Variants in ITGA9 observed in about 807,000 individuals in gnomAD.
ITGA9 encodes integrin subunit alpha 9, also known as integrin alpha-9.
A neutral mutation model predicts 127.8 loss-of-function variants in ITGA9; 56 were observed. The observed-to-expected ratio is 0.44, with a 90% CI of 0.35 to 0.55. The LOEUF (loss-of-function observed/expected upper bound fraction) is 0.55. ITGA9 is among the 20% of genes least tolerant of loss of function. The pLI, the probability that ITGA9 is intolerant of heterozygous loss-of-function variation, is 0.00. For missense variants in ITGA9, 1,196 were observed against 1,347.1 expected, an observed-to-expected ratio of 0.89 and a Z score of 1.76; for synonymous variants, 508 against 514.5, an observed-to-expected ratio of 0.99 and a Z score of 0.17.
At chr3:37,604,603 T>C (rs1191173448) in intron 15 of ITGA9, among the ~76,000 whole-genome samples, 1 of 152,260 alleles carries the variant, frequency 6.6e-6, no homozygotes, top group Non-Finnish European at 1.5e-5. Context: ...CTTTTGGGAA[T>C]GGTGTAGAAA....
chr3:37,518,341 A>G (rs2125579822), intron 10 of ITGA9, among the ~76,000 whole-genome samples: 2 of 152,216 alleles, frequency 1.3e-5, no homozygotes, highest in Middle Eastern at 6.8e-3. Flanking sequence ...GACGTCTTTG[A>G]TACCTCCTAC....
chr3:37,758,877 C>T (rs1032251657), intron 23 of ITGA9, among the ~76,000 whole-genome samples: 4 of 152,022 alleles, frequency 2.6e-5, no homozygotes, highest in Admixed American at 6.6e-5. Context: ...TGTAAACTGC[C>T]TGATCTTCAA....
At chr3:37,693,804 A>T (rs995353104) in intron 18 of ITGA9, among the ~76,000 whole-genome samples, 12 of 152,192 alleles carry the variant, frequency 7.9e-5, no homozygotes, top group African/African-American at 2.7e-4. Flanking sequence ...CAGTGCTGGG[A>T]CAGATTACAG....
At chr3:37,610,117 C>G (rs1031751756) in intron 15 of ITGA9, among the ~76,000 whole-genome samples, 1 of 152,010 alleles carries the variant, frequency 6.6e-6, no homozygotes, top group South Asian at 2.1e-4. Flanking sequence ...AGGTCCAAGG[C>G]AAGATGGATA....
At chr3:37,649,085 A>AT (rs1414971410) in intron 16 of ITGA9, among the ~76,000 whole-genome samples, 22 of 151,328 alleles carry the variant, frequency 1.5e-4, no homozygotes, top group African/African-American at 4.9e-4. Flanking sequence ...TTATATATAT[A>AT]AAAAAAGAAA....
chr3:37,531,630 C>T (rs868532552), intron 13 of ITGA9, among the ~76,000 whole-genome samples: 5 of 152,262 alleles, frequency 3.3e-5, no homozygotes, highest in South Asian at 2.1e-4. Flanking sequence ...TGACCAGGCG[C>T]GTCAGGGACC....
At chr3:37,732,871 C>A in intron 19 of ITGA9, 73 bp downstream of exon 19, 1 of 1,201,886 alleles carries the variant, frequency 8.3e-7, no homozygotes, top group Non-Finnish European at 1.2e-6. Context: ...ATTCCGCCGC[C>A]TCCCTGAGGT....
At chr3:37,509,969 T>C (rs1698884682) in intron 8 of ITGA9, among the ~76,000 whole-genome samples, 1 of 151,544 alleles carries the variant, frequency 6.6e-6, no homozygotes, top group Non-Finnish European at 1.5e-5. Flanking sequence ...ATGGAAACAA[T>C]CTCCCTCTTC....
intron 23 of ITGA9, among the ~76,000 whole-genome samples, chr3:37,764,466 T>TAA (rs10694316): frequency 0.32 from 23,649 of 74,502 alleles, 5,338 homozygotes; most frequent in South Asian, 0.46. Context: ...AGATTCTCAG[T>TAA]AAAAAAAAAA....
chr3:37,809,734 C>A (rs1209711528), intron 27 of ITGA9, among the ~76,000 whole-genome samples: 1 of 151,954 alleles, frequency 6.6e-6, no homozygotes, highest in African/African-American at 2.4e-5. Flanking sequence ...TTTTAAAGAC[C>A]TACGTATTTC....
rs557350926 is a variant in ITGA9, at chr3:37,757,555, G to A, written c.2541+6986G>A. Among the ~76,000 whole-genome samples, 44 of 151,800 alleles carry A rather than the reference G, an allele frequency of 2.9e-4. 1 individual carries two copies. The South Asian group carries it at 8.9e-3, about 31-fold the overall frequency. On this transcript the variant is annotated intron_variant, in intron 23 of 27. Transcript: ENST00000264741. ...GGCATAAACTACTTGGGAGGCTGAG[G>A]TGGGAGGATCCCTTGAGTCCAGAAG... is the stretch of plus-strand genomic sequence containing the variant.
Position 37,819,162 on chromosome 3 carries a change from G to GTC in ITGA9, c.*174_*175dup. Reference sequence around the variant, plus strand: ...AGCCTGAGGCAGCCACTTCGGCCAGGTCACACGACCGGGGCCAGCACCACT... The same window carrying GTC: ...AGCCTGAGGCAGCCACTTCGGCCAGGTCTCACACGACCGGGGCCAGCACCACT... On this transcript the variant is annotated 3_prime_UTR_variant, in exon 28 of 28. Coordinates refer to ENST00000264741, the MANE Select transcript of ITGA9 (RefSeq NM_002207.3). 1.5e-6 allele frequency: 1 copy of GTC among 655,142 alleles called. No individual in the cohort carries two copies. The highest frequency in any genetic ancestry group is 2.8e-6 in the Non-Finnish European group (1 of 360,468). 40.6% of individuals were successfully genotyped at this position (655,142 alleles called of 1,614,324 possible).
intron 15 of ITGA9, among the ~76,000 whole-genome samples, chr3:37,575,031 G>A (rs1353287587): frequency 6.6e-6 from 1 of 152,096 alleles, no homozygotes; most frequent in Non-Finnish European, 1.5e-5. Flanking sequence ...AGGGTAATAG[G>A]GTGGGAGCAG....
At chr3:37,558,000 AG>A (rs937380264) in intron 15 of ITGA9, among the ~76,000 whole-genome samples, 1 of 152,200 alleles carries the variant, frequency 6.6e-6, no homozygotes, top group African/African-American at 2.4e-5. Context: ...AGTCTGAGAA[AG>A]AGAAAACTCC....
intron 18 of ITGA9, among the ~76,000 whole-genome samples, chr3:37,699,894 G>T (rs1461814457): frequency 6.6e-6 from 1 of 152,164 alleles, no homozygotes; most frequent in Non-Finnish European, 1.5e-5. Context: ...AATGTCACCT[G>T]ATTAGAAATA....
At position 37,652,126 on chromosome 3, in the gene ITGA9, G is replaced by GA. The variant is rs199904363; in HGVS notation, c.1840-1576dup. Among the ~76,000 whole-genome samples, 236 of 144,250 alleles carry GA rather than the reference G, an allele frequency of 1.6e-3. 1 individual carries two copies. In the South Asian group the frequency reaches 0.018, roughly 11 times the overall value. 94.6% of individuals were successfully genotyped at this position (144,250 alleles called of 152,430 possible). On this transcript the variant is annotated intron_variant, in intron 16 of 27. Coordinates refer to ENST00000264741, the MANE Select transcript of ITGA9 (RefSeq NM_002207.3). The stretch of plus-strand genomic sequence containing the variant: ...TATAGTAGAGGGTGGGGTCTTGAAG[G>GA]AAAAAAAAAAAAGGTGAAATTATGA...
In ITGA9 at chr3:37,455,309, C is replaced by G. The variant is rs140550055; in HGVS notation, c.185+2750C>G. On this transcript the variant is annotated intron_variant, in intron 1 of 27. Transcript: ENST00000264741. ...CAACCTTTAACGAAACCCTTGAGGACAATCTTAATTATTTCCTTTGAATAA... is the reference window on the plus strand; with the variant it reads ...CAACCTTTAACGAAACCCTTGAGGAGAATCTTAATTATTTCCTTTGAATAA... 8.5e-4 allele frequency among the ~76,000 whole-genome samples: 130 copies of G among 152,290 alleles called. 1 individual carries two copies. Among genetic ancestry groups the G allele is most frequent in the Admixed American group, 2.6e-3 (40 of 15,294 alleles).
At chr3:37,729,365 T>C (rs777459967) in intron 18 of ITGA9, among the ~76,000 whole-genome samples, 57 of 152,140 alleles carry the variant, frequency 3.7e-4, no homozygotes, top group Non-Finnish European at 7.1e-4. Flanking sequence ...TAAGCTCAGC[T>C]CTCTTGTTCC....
At chr3:37,679,586 A>G (rs567223346) in intron 17 of ITGA9, among the ~76,000 whole-genome samples, 1 of 151,964 alleles carries the variant, frequency 6.6e-6, no homozygotes, top group African/African-American at 2.4e-5. Context: ...GGGGGAGCTG[A>G]TGATCTGTTG....
Sources: allele counts gnomAD v4.1 joint callset (sites outside exome capture counted in the v4.1 genomes callset), GRCh38; gene constraint gnomAD v4.1.1; transcripts MANE v1.5; gene names NCBI Gene and HGNC (gene_info 2026-07-23, HGNC 2026-07-21).